CRACDL: variants seen among roughly 807,000 people sequenced by gnomAD.
CRACDL encodes CRACD like.
Under a neutral mutation model 70.6 loss-of-function variants are expected in CRACDL, and 26 were observed. That is an observed-to-expected ratio of 0.37 (90% CI 0.27 to 0.51). The LOEUF is 0.51. Among genes scored for constraint, CRACDL ranks in the 20% least tolerant of loss-of-function variants. The pLI is 0.94. For synonymous variants in CRACDL, 618 were observed against 615.2 expected (o/e 1.00, Z -0.07); for missense variants, 1,283 against 1,376.9 (o/e 0.93, Z 1.08).
intron 1 of CRACDL, among the ~76,000 whole-genome samples, chr2:98,854,252 G>A (rs1372410105): frequency 1.5e-5 from 2 of 134,864 alleles, no homozygotes; most frequent in Non-Finnish European, 3.1e-5. Flanking sequence ...TTGCACTCCA[G>A]CCTGGTGAGA....
intron 7 of CRACDL, among the ~76,000 whole-genome samples, chr2:98,813,695 T>C (rs1704667108): frequency 6.6e-6 from 1 of 152,204 alleles, no homozygotes; most frequent in African/African-American, 2.4e-5. Context: ...GTTTTCTGTA[T>C]TGTCTTTAAT....
intron 1 of CRACDL, among the ~76,000 whole-genome samples, chr2:98,859,195 C>A (rs1706837575): frequency 6.6e-6 from 1 of 152,122 alleles, no homozygotes; most frequent in Admixed American, 6.5e-5. Flanking sequence ...AAATTATAGA[C>A]CAATATCTCT....
chr2:98,923,227 T>A (rs1323190553), intron 1 of CRACDL, among the ~76,000 whole-genome samples: 1 of 147,420 alleles, frequency 6.8e-6, no homozygotes, highest in Non-Finnish European at 1.5e-5. Context: ...GCCGAGATCA[T>A]GACACTGCAC....
At chr2:98,930,046 T>A (rs918433950) in intron 1 of CRACDL, among the ~76,000 whole-genome samples, 1 of 152,086 alleles carries the variant, frequency 6.6e-6, no homozygotes, top group Admixed American at 6.5e-5. Flanking sequence ...GGTGACCCAA[T>A]GCTGGTCCTC....
At chr2:98,877,394 G>A (rs1479275154) in intron 1 of CRACDL, among the ~76,000 whole-genome samples, 1 of 152,200 alleles carries the variant, frequency 6.6e-6, no homozygotes, top group Non-Finnish European at 1.5e-5. Context: ...TTATAACGGA[G>A]CTGGGAAATT....
intron 1 of CRACDL, among the ~76,000 whole-genome samples, chr2:98,859,769 C>T (rs150914790): frequency 0.012 from 1,772 of 152,256 alleles, 25 homozygotes; most frequent in Non-Finnish European, 0.017. Flanking sequence ...CATCTACTGT[C>T]ACACTGATAA....
At chr2:98,930,648 G>A (rs1709051537) in intron 1 of CRACDL, among the ~76,000 whole-genome samples, 1 of 151,744 alleles carries the variant, frequency 6.6e-6, no homozygotes, top group Non-Finnish European at 1.5e-5. Flanking sequence ...GCTTCTCCCT[G>A]TGTGTTCTAA....
intron 1 of CRACDL, among the ~76,000 whole-genome samples, chr2:98,924,670 C>A (rs1223880453): frequency 6.6e-6 from 1 of 152,130 alleles, no homozygotes. Flanking sequence ...CCTAAGGGGC[C>A]CCCCCAGGGC....
At chr2:98,804,299 T>C (rs964577702) in intron 7 of CRACDL, among the ~76,000 whole-genome samples, 1 of 152,198 alleles carries the variant, frequency 6.6e-6, no homozygotes, top group African/African-American at 2.4e-5. Context: ...CGCCATTCCT[T>C]CCTCTCCTCA....
intron 7 of CRACDL, among the ~76,000 whole-genome samples, chr2:98,803,377 ATCT>A (rs2104413382): frequency 6.6e-6 from 1 of 152,188 alleles, no homozygotes; most frequent in Admixed American, 6.5e-5. Context: ...GTCTCCAATG[ATCT>A]TCTCACCTCT....
intron 1 of CRACDL, among the ~76,000 whole-genome samples, chr2:98,922,747 C>T (rs1410401867): frequency 1.3e-5 from 2 of 152,154 alleles, no homozygotes; most frequent in South Asian, 2.1e-4. Flanking sequence ...TGCAAGGGTC[C>T]GAGAGCTTCT....
At chr2:98,931,877 C>T (rs919267112) in intron 1 of CRACDL, among the ~76,000 whole-genome samples, 35 of 152,040 alleles carry the variant, frequency 2.3e-4, no homozygotes, top group Non-Finnish European at 4.4e-4. Context: ...CACTGGGCAC[C>T]GACAGAAACA....
At chr2:98,927,233 G>C (rs894871035) in intron 1 of CRACDL, among the ~76,000 whole-genome samples, 1 of 152,200 alleles carries the variant, frequency 6.6e-6, no homozygotes, top group Non-Finnish European at 1.5e-5. Flanking sequence ...TCCCTGGTGC[G>C]GGTGGACGGT....
intron 1 of CRACDL, among the ~76,000 whole-genome samples, chr2:98,882,343 G>A (rs969663260): frequency 2.6e-5 from 4 of 152,254 alleles, no homozygotes; most frequent in Non-Finnish European, 4.4e-5. Flanking sequence ...TGCAGACATG[G>A]CCCAGGCCTA....
At chr2:98,872,735 G>A (rs1024952666) in intron 1 of CRACDL, among the ~76,000 whole-genome samples, 3 of 152,244 alleles carry the variant, frequency 2.0e-5, no homozygotes, top group Admixed American at 1.3e-4. Flanking sequence ...TGATGCTGAC[G>A]ATGCTGCCCG....
In CRACDL at chr2:98,822,664, GGGC is replaced by G. The variant is rs1372070603; in HGVS notation, c.1606_1608del (p.Ala536del). Reference sequence around the variant, plus strand: ...GCTCGCTCGGCCTTGGGGCGCTCCGGGGCGGCGGCCTCTGCGTCGAGGGAACCG... The same window carrying G: ...GCTCGCTCGGCCTTGGGGCGCTCCGGGGCGGCCTCTGCGTCGAGGGAACCG... On this transcript the variant is annotated inframe_deletion, in exon 7 of 10. Transcript: ENST00000397899. This position sits in a 1 kb window ranked among gnomAD's most constrained non-coding sequence, Gnocchi z 4.9. The G allele has an allele frequency of 9.3e-6, 12 of 1,286,082 alleles. No individual in the cohort carries two copies. In the South Asian group the frequency reaches 2.7e-4, roughly 29 times the overall value. 79.7% of individuals were successfully genotyped at this position (1,286,082 alleles called of 1,614,324 possible).
In CRACDL at chr2:98,834,686, C is replaced by T. The variant is rs142872969; in HGVS notation, c.240-1689G>A. ...AACTTTGTCTTTGAAACTATGCAAA[C>T]GTTTTATATAATTAAAAGATGAAAC... is the stretch of plus-strand genomic sequence containing the variant. On this transcript the variant is annotated intron_variant, in intron 3 of 9. Transcript: ENST00000397899. Among the ~76,000 whole-genome samples the T allele has an allele frequency of 4.3e-4, 66 of 152,198 alleles. No individual in the cohort carries two copies. In the East Asian group the frequency reaches 8.7e-3, roughly 20 times the overall value.
intron 1 of CRACDL, among the ~76,000 whole-genome samples, chr2:98,895,992 G>A (rs545293011): frequency 3.9e-5 from 6 of 152,276 alleles, no homozygotes; most frequent in South Asian, 2.1e-4. Flanking sequence ...ATCTGCTGGC[G>A]CCTTGATCTA....
At position 98,838,302 on chromosome 2, in the gene CRACDL, G is replaced by A; in HGVS notation, c.71-15C>T. 2 of 1,458,322 alleles carry A rather than the reference G, an allele frequency of 1.4e-6. No homozygotes were observed. Among genetic ancestry groups the A allele is most frequent in the Admixed American group, 3.9e-5 (2 of 50,796 alleles). The allele number at this position is 1,458,322 out of a possible 1,614,324, so 90.3% of individuals were successfully genotyped here. ...TTTTTTCTTTCCTATACAGATTAGAGAAAAAAATAATAAATAAGACTGTTA... is the reference window on the plus strand; with the variant it reads ...TTTTTTCTTTCCTATACAGATTAGAAAAAAAAATAATAAATAAGACTGTTA... On this transcript the variant is annotated splice_polypyrimidine_tract_variant and intron_variant, in intron 2 of 9. Transcript: ENST00000397899.
Sources: gnomAD v4.1 joint callset for allele counts (sites outside exome capture counted in the v4.1 genomes callset) on GRCh38, gnomAD v4.1.1 for gene constraint, Gnocchi (gnomAD v3.1) non-coding constraint, MANE v1.5 for transcripts, NCBI Gene and HGNC (gene_info 2026-07-23, HGNC 2026-07-21) for gene names.